Variants in MTCL3 observed in about 807,000 individuals in gnomAD.
MTCL3 encodes MTCL family member 3, also known as microtubule cross-linking factor 3.
the MTCL3 span, chr6:127,475,990 T>C: frequency 6.2e-7 from 1 of 1,611,018 alleles, no homozygotes; most frequent in Non-Finnish European, 8.5e-7. The surrounding 1 kb of genome is among the most constrained non-coding windows in gnomAD (Gnocchi z 7.3). Flanking sequence ...GTACTTGTAC[T>C]TGTTGAGCTC....
the MTCL3 span, among the ~76,000 whole-genome samples, chr6:127,505,297 G>C: frequency 6.6e-6 from 1 of 152,312 alleles, no homozygotes; most frequent in African/African-American, 2.4e-5. Context: ...ACTGGATAAA[G>C]AAGAATGTGG....
the MTCL3 span, among the ~76,000 whole-genome samples, chr6:127,493,361 T>C: frequency 6.6e-6 from 1 of 152,226 alleles, no homozygotes; most frequent in Non-Finnish European, 1.5e-5. Flanking sequence ...AGAAGCATTA[T>C]TAATTCATTG....
At chr6:127,483,421 C>T in the MTCL3 span, among the ~76,000 whole-genome samples, 5 of 152,138 alleles carry the variant, frequency 3.3e-5, no homozygotes, top group African/African-American at 1.2e-4. Context: ...TATGTAGAAT[C>T]GGAAGCACTT....
the MTCL3 span, among the ~76,000 whole-genome samples, chr6:127,506,691 C>T: frequency 5.5e-3 from 833 of 152,264 alleles, 8 homozygotes; most frequent in African/African-American, 0.019. Context: ...TAACATTCTC[C>T]TGCCTCAGCC....
At chr6:127,503,210 C>T in the MTCL3 span, among the ~76,000 whole-genome samples, 4 of 152,136 alleles carry the variant, frequency 2.6e-5, no homozygotes, top group African/African-American at 7.2e-5. Context: ...GCAGACCACG[C>T]GTTGGAGGCA....
the MTCL3 span, among the ~76,000 whole-genome samples, chr6:127,508,513 G>C: frequency 0.064 from 9,805 of 152,224 alleles, 374 homozygotes; most frequent in East Asian, 0.11. Context: ...AAAAGTCCAA[G>C]ATAGATGGTG....
chr6:127,499,843 G>C, the MTCL3 span, among the ~76,000 whole-genome samples: 1 of 152,186 alleles, frequency 6.6e-6, no homozygotes, highest in South Asian at 2.1e-4. Flanking sequence ...TGGGAGAAGA[G>C]ATGGTTCAGA....
At chr6:127,481,162 T>C in the MTCL3 span, 2 of 478,158 alleles carry the variant, frequency 4.2e-6, no homozygotes, top group Non-Finnish European at 5.5e-6. Context: ...CATCAGAGAC[T>C]ATGGTTGAAA....
the MTCL3 span, chr6:127,476,048 G>C: frequency 6.2e-7 from 1 of 1,612,624 alleles, no homozygotes; most frequent in Non-Finnish European, 8.5e-7. The surrounding 1 kb of genome is among the most constrained non-coding windows in gnomAD (Gnocchi z 4.4). Flanking sequence ...ACGTTCCTCC[G>C]CAGCAGCTCC....
At chr6:127,496,253 T>C in the MTCL3 span, among the ~76,000 whole-genome samples, 2 of 152,212 alleles carry the variant, frequency 1.3e-5, no homozygotes, top group Non-Finnish European at 2.9e-5. Context: ...GTTACTCAAA[T>C]TGACAGAATT....
At chr6:127,517,146 A>C in the MTCL3 span, among the ~76,000 whole-genome samples, 4 of 152,200 alleles carry the variant, frequency 2.6e-5, no homozygotes, top group Admixed American at 2.0e-4. Flanking sequence ...TTACTGGAGA[A>C]AGTTTTCATT....
chr6:127,489,998 C>T, the MTCL3 span, among the ~76,000 whole-genome samples: 1,428 of 152,292 alleles, frequency 9.4e-3, 19 homozygotes, highest in African/African-American at 0.033. Context: ...AAGGAGAAGT[C>T]AATGCCTAGC....
the MTCL3 span, among the ~76,000 whole-genome samples, chr6:127,496,913 C>T: frequency 1.3e-5 from 2 of 152,092 alleles, no homozygotes; most frequent in African/African-American, 4.8e-5. Context: ...GAAGCCAAAC[C>T]TAAGAGACCA....
At chr6:127,473,600 A>G in the MTCL3 span, among the ~76,000 whole-genome samples, 3 of 152,206 alleles carry the variant, frequency 2.0e-5, no homozygotes, top group Admixed American at 6.5e-5. Flanking sequence ...AGTATAACCG[A>G]ATACATATCA....
the MTCL3 span, among the ~76,000 whole-genome samples, chr6:127,490,591 G>T: frequency 1.2e-4 from 18 of 151,964 alleles, no homozygotes; most frequent in Middle Eastern, 3.4e-3. Flanking sequence ...GCCTTAGGCA[G>T]GTGGATCATG....
the MTCL3 span, among the ~76,000 whole-genome samples, chr6:127,489,333 A>T: frequency 6.0e-4 from 92 of 152,272 alleles, no homozygotes; most frequent in African/African-American, 2.1e-3. Context: ...GAGACACAAC[A>T]GTATTGAAAT....
chr6:127,504,298 T>G, the MTCL3 span, among the ~76,000 whole-genome samples: 24 of 152,148 alleles, frequency 1.6e-4, no homozygotes, highest in Non-Finnish European at 2.1e-4. Flanking sequence ...GAAGCTATAG[T>G]CAAAATACAA....
the MTCL3 span, among the ~76,000 whole-genome samples, chr6:127,494,964 G>A: frequency 1.6e-4 from 25 of 152,154 alleles, no homozygotes; most frequent in African/African-American, 5.8e-4. Flanking sequence ...TTGGGAGGCC[G>A]AGTCGGGCAG....
chr6:127,511,203 A>G, the MTCL3 span, among the ~76,000 whole-genome samples: 8 of 152,202 alleles, frequency 5.3e-5, no homozygotes, highest in Admixed American at 1.3e-4. Context: ...AACCAGCCCT[A>G]CTAACACCTT....
Sources: allele counts gnomAD v4.1 joint callset (sites outside exome capture counted in the v4.1 genomes callset), GRCh38; gene constraint gnomAD v4.1.1; non-coding constraint Gnocchi (gnomAD v3.1); transcripts MANE v1.5; gene names NCBI Gene and HGNC (gene_info 2026-07-23, HGNC 2026-07-21).